STON2: variants seen among roughly 807,000 people sequenced by gnomAD.
STON2 encodes stonin-2.
A neutral mutation model predicts 65.7 loss-of-function variants in STON2; 29 were observed. The ratio of observed to expected loss-of-function variants is 0.44; its 90% CI spans 0.33 to 0.60. The LOEUF (loss-of-function observed/expected upper bound fraction) is 0.60. STON2 is among the 20% of genes least tolerant of loss of function. The pLI, the probability that STON2 is intolerant of heterozygous loss-of-function variation, is 0.03. For missense variants in STON2, 1,054 were observed against 1,118.1 expected, an observed-to-expected ratio of 0.94 and a Z score of 0.82; for synonymous variants, 404 against 414.2, an observed-to-expected ratio of 0.98 and a Z score of 0.30.
chr14:81,386,688 A>G (rs1324146532), intron 3 of STON2, among the ~76,000 whole-genome samples: 1 of 152,240 alleles, frequency 6.6e-6, no homozygotes, highest in Non-Finnish European at 1.5e-5. Flanking sequence ...AATGGGTCCA[A>G]TTCAGCCCTG....
rs757320360 is a variant in STON2, at chr14:81,278,264, A to G, written c.1218T>C (p.Ser406=). The G allele has an allele frequency of 6.2e-7, 1 of 1,614,152 alleles. No homozygotes were observed. Among genetic ancestry groups the G allele is most frequent in the South Asian group, 1.1e-5 (1 of 91,086 alleles). Residue 406 remains serine (S), a synonymous_variant, in exon 6 of 8, where the codon AGT becomes AGC. Transcript: ENST00000614646. ...AATCTCTTTGGCTTTTGCCCGTGGT[A>G]CTGGAAATGGAACTGTTTTGGGAGC... ...ERRSQNSSIS[S]TTGKSQRDSL...
intron 5 of STON2, among the ~76,000 whole-genome samples, chr14:81,282,583 TATA>T (rs1895167471): frequency 6.6e-6 from 1 of 152,232 alleles, no homozygotes; most frequent in Non-Finnish European, 1.5e-5. Flanking sequence ...AGCTTTGGAA[TATA>T]ATAATCTCGT....
intron 4 of STON2, among the ~76,000 whole-genome samples, chr14:81,367,736 A>G (rs1023641450): frequency 3.3e-5 from 5 of 152,168 alleles, no homozygotes; most frequent in African/African-American, 1.2e-4. Context: ...CTGCTCTCTG[A>G]GGACTCACTT....
intron 5 of STON2, among the ~76,000 whole-genome samples, chr14:81,285,547 G>C (rs566756807): frequency 6.6e-6 from 1 of 152,292 alleles, no homozygotes; most frequent in South Asian, 2.1e-4. Context: ...CTTTGCCTAA[G>C]TGCTCAGATT....
intron 4 of STON2, among the ~76,000 whole-genome samples, chr14:81,361,430 G>A (rs561363326): frequency 4.1e-4 from 63 of 152,136 alleles, no homozygotes; most frequent in African/African-American, 1.4e-3. Flanking sequence ...TGGTGTTGGG[G>A]AAACTGGATA....
intron 1 of STON2, among the ~76,000 whole-genome samples, chr14:81,434,457 T>C (rs961264821): frequency 6.6e-6 from 1 of 152,222 alleles, no homozygotes; most frequent in African/African-American, 2.4e-5. Context: ...AGATTGCATC[T>C]GGAAGTGGGC....
At chr14:81,390,712 A>C (rs934017960) in intron 3 of STON2, among the ~76,000 whole-genome samples, 11 of 152,242 alleles carry the variant, frequency 7.2e-5, no homozygotes, top group African/African-American at 2.7e-4. Context: ...GACTTAGTAC[A>C]TTAGTTTCCT....
Position 81,263,247 on chromosome 14 carries a change from A to G in STON2, c.*5167T>C. 1 of 892,050 alleles carries G rather than the reference A, an allele frequency of 1.1e-6. No homozygotes were observed. Among genetic ancestry groups the G allele is most frequent in the Non-Finnish European group, 1.3e-6 (1 of 745,008 alleles). The allele number at this position is 892,050 out of a possible 1,614,324, so 55.3% of individuals were successfully genotyped here. Reference sequence around the variant, plus strand: ...AATTCGTAAACTTTCTTAAAACATTATGCTATTTTGGCCAGGCGCGGCGGC... The same window carrying G: ...AATTCGTAAACTTTCTTAAAACATTGTGCTATTTTGGCCAGGCGCGGCGGC... On this transcript the variant is annotated 3_prime_UTR_variant, in exon 8 of 8. Transcript: ENST00000614646.
At chr14:81,285,230 C>T (rs546389242) in intron 5 of STON2, among the ~76,000 whole-genome samples, 1 of 152,114 alleles carries the variant, frequency 6.6e-6, no homozygotes, top group Non-Finnish European at 1.5e-5. Flanking sequence ...TGGATTGGGG[C>T]AAAGTAAACT....
chr14:81,290,260 G>A (rs550875169), intron 5 of STON2, among the ~76,000 whole-genome samples: 9 of 152,206 alleles, frequency 5.9e-5, no homozygotes, highest in South Asian at 2.1e-4. Context: ...CAAAGTCTTC[G>A]CCTTCACAGT....
At chr14:81,288,404 C>T (rs559312956) in intron 5 of STON2, among the ~76,000 whole-genome samples, 58 of 152,308 alleles carry the variant, frequency 3.8e-4, no homozygotes, top group African/African-American at 1.3e-3. Flanking sequence ...TACTCCGAGG[C>T]TGCATGGTAT....
chr14:81,423,694 A>C (rs1901825590), intron 2 of STON2, among the ~76,000 whole-genome samples: 1 of 152,194 alleles, frequency 6.6e-6, no homozygotes, highest in Non-Finnish European at 1.5e-5. Context: ...AGGCTAAAAC[A>C]CAGGCTGCTG....
chr14:81,436,203 G>C (rs1191504522), intron 1 of STON2: 2 of 151,898 alleles, frequency 1.3e-5, no homozygotes, highest in Admixed American at 6.6e-5. Context: ...GCACAGCGGC[G>C]CTAGGACCTC....
At chr14:81,307,145 G>T (rs959263951) in intron 5 of STON2, among the ~76,000 whole-genome samples, 1 of 152,174 alleles carries the variant, frequency 6.6e-6, no homozygotes, top group Admixed American at 6.5e-5. Flanking sequence ...GCACAGGCCA[G>T]AATTAACAAG....
At chr14:81,306,083 T>A (rs1341274058) in intron 5 of STON2, among the ~76,000 whole-genome samples, 1 of 151,314 alleles carries the variant, frequency 6.6e-6, no homozygotes, top group Non-Finnish European at 1.5e-5. Context: ...GCCCCCACCC[T>A]CAACTTGCAA....
chr14:81,354,860 T>C (rs1385509530), intron 4 of STON2, among the ~76,000 whole-genome samples: 2 of 151,614 alleles, frequency 1.3e-5, no homozygotes. Flanking sequence ...CTACTAAAAA[T>C]ACAAAAATTA....
At chr14:81,400,068 A>G (rs1900528692) in intron 1 of STON2, among the ~76,000 whole-genome samples, 2 of 152,212 alleles carry the variant, frequency 1.3e-5, no homozygotes. Flanking sequence ...ACCCAACTTA[A>G]GTACTTTACA....
intron 4 of STON2, among the ~76,000 whole-genome samples, chr14:81,336,857 G>T (rs1897391150): frequency 6.6e-6 from 1 of 152,212 alleles, no homozygotes; most frequent in Non-Finnish European, 1.5e-5. Flanking sequence ...ACGCTGGGCA[G>T]AGAGGCTTTA....
chr14:81,371,622 G>A (rs1428873172), intron 3 of STON2, among the ~76,000 whole-genome samples: 1 of 143,148 alleles, frequency 7.0e-6, no homozygotes, highest in East Asian at 2.3e-4. Flanking sequence ...GTGAACCCAG[G>A]AGGCGGAGCT....
Sources: allele counts gnomAD v4.1 joint callset (sites outside exome capture counted in the v4.1 genomes callset), GRCh38; gene constraint gnomAD v4.1.1; transcripts MANE v1.5; gene names NCBI Gene and HGNC (gene_info 2026-07-23, HGNC 2026-07-21).